The following PKD1L1 variants were observed in gnomAD, a reference collection of about 807,000 sequenced individuals.
The protein encoded by PKD1L1 is polycystin 1 like 1, transient receptor potential channel interacting.
PKD1L1 carries 236 observed loss-of-function variants against 323.4 expected under a neutral mutation model. The observed-to-expected ratio is 0.73, with a 90% CI of 0.66 to 0.81. PKD1L1 has a LOEUF of 0.81. Among genes scored for constraint, PKD1L1 ranks in the 40% least tolerant of loss-of-function variants. PKD1L1 has a pLI of 0.00. For missense variants in PKD1L1, 3,320 were observed against 3,508.0 expected (o/e 0.95, Z 1.35); for synonymous variants, 1,344 against 1,335.0 (o/e 1.01, Z -0.15).
intron 45 of PKD1L1, among the ~76,000 whole-genome samples, chr7:47,824,931 T>C (rs1785212848): frequency 6.6e-6 from 1 of 152,246 alleles, no homozygotes; most frequent in African/African-American, 2.4e-5. Context: ...CATGTTTTAC[T>C]TACTGTGTCT....
intron 53 of PKD1L1, 142 bp from the exon 54 acceptor site, chr7:47,801,021 G>A (rs113589732): frequency 1.3e-6 from 1 of 742,344 alleles, no homozygotes. Context: ...CCCTGGTTTT[G>A]AACCCAAAAG....
At chr7:47,899,426 T>A (rs1787029491) in intron 13 of PKD1L1, among the ~76,000 whole-genome samples, 1 of 151,956 alleles carries the variant, frequency 6.6e-6, no homozygotes, top group Non-Finnish European at 1.5e-5. Context: ...TGGGGGGGAA[T>A]ATTAGTGTCT....
At chr7:47,943,284 G>T in intron 2 of PKD1L1, 112 bp downstream of exon 2, 1 of 882,960 alleles carries the variant, frequency 1.1e-6, no homozygotes, top group Non-Finnish European at 1.7e-6. Context: ...CCTTCCTTCT[G>T]TTTCTTAAAA....
intron 17 of PKD1L1, 136 bp from the exon 18 acceptor site, chr7:47,886,190 T>TA: frequency 8.4e-7 from 1 of 1,187,866 alleles, no homozygotes; most frequent in Non-Finnish European, 1.1e-6. Flanking sequence ...ACTTAAGAGA[T>TA]ACAGGGCAGA....
intron 54 of PKD1L1, among the ~76,000 whole-genome samples, chr7:47,798,761 A>AAC (rs1275653571): frequency 2.6e-5 from 4 of 151,116 alleles, no homozygotes; most frequent in East Asian, 1.9e-4. Flanking sequence ...TCTCAAAAAA[A>AAC]AAAAACAAAA....
At chr7:47,878,468 G>A (rs1397531011) in intron 21 of PKD1L1, among the ~76,000 whole-genome samples, 1 of 152,188 alleles carries the variant, frequency 6.6e-6, no homozygotes, top group Non-Finnish European at 1.5e-5. Flanking sequence ...CATCGTAACA[G>A]CAGGTACCAT....
intron 45 of PKD1L1, among the ~76,000 whole-genome samples, chr7:47,826,956 CTG>C (rs761296254): frequency 1.4e-4 from 22 of 152,222 alleles, no homozygotes; most frequent in Admixed American, 6.5e-4. Context: ...TTCCACATTC[CTG>C]TGTGTCCCAG....
intron 8 of PKD1L1, 116 bp downstream of exon 8, chr7:47,915,316 T>C (rs962002756): frequency 9.3e-6 from 6 of 648,494 alleles, no homozygotes; most frequent in South Asian, 1.8e-5. Flanking sequence ...CCGTAGCCCA[T>C]AGAGTGTATA....
intron 41 of PKD1L1, 48 bp downstream of exon 41, chr7:47,833,042 G>T: frequency 6.4e-7 from 1 of 1,570,518 alleles, no homozygotes. Flanking sequence ...ATGGCTGCAG[G>T]TCTGCTGGAC....
rs1412685868 is a variant in PKD1L1 at position 47,846,936 on chromosome 7, C to A, written c.5096G>T (p.Trp1699Leu). The stretch of plus-strand genomic sequence containing the variant: ...TTGTGGAGAGAAACGTTCAGATTTC[C>A]ACTCTCTCTTGTCCCAAAACAGGCA... ...IRCLFWDKRE[W>L]KSERFSPQPG... The change falls in exon 32 of 57, where the codon TGG (tryptophan) becomes TTG (leucine). Residue 1699 changes from tryptophan to leucine, a missense_variant. Coordinates refer to ENST00000289672, the MANE Select transcript of PKD1L1 (RefSeq NM_138295.5). 2 of 1,613,786 alleles carry A rather than the reference C, an allele frequency of 1.2e-6. No individual in the cohort carries two copies. Among genetic ancestry groups the A allele is most frequent in the Admixed American group, 1.7e-5 (1 of 59,940 alleles).
chr7:47,880,284 A>ATTTTTTTTTTTTTTTTT (rs35198089), intron 21 of PKD1L1, among the ~76,000 whole-genome samples: 37 of 56,768 alleles, frequency 6.5e-4, no homozygotes, highest in Non-Finnish European at 9.1e-4. Flanking sequence ...ATATATATAT[A>ATTTTTTTTTTTTTTTTT]TTTTTTTTTT....
At chr7:47,813,446 C>T (rs771404180) in intron 48 of PKD1L1, 153 bp from the exon 49 acceptor site, 7 of 852,910 alleles carry the variant, frequency 8.2e-6, no homozygotes, top group Admixed American at 2.0e-5. Flanking sequence ...CAGCCTGTTT[C>T]GTGGTCTACA....
Position 47,843,232 on chromosome 7 carries a change from T to C in PKD1L1, c.5238-63A>G, listed in dbSNP as rs1785598800. On this transcript the variant is annotated intron_variant, in intron 33 of 56. Coordinates refer to ENST00000289672, the MANE Select transcript of PKD1L1 (RefSeq NM_138295.5). ...TGAAAATAGACATATAGGAAAAGAC[T>C]GATTGCCACCCCTAGCCCCTTACAC... 4.7e-6 allele frequency: 6 copies of C among 1,277,606 alleles called. No homozygotes were observed. In the East Asian group the frequency reaches 1.4e-4, roughly 30 times the overall value. The allele number at this position is 1,277,606 out of a possible 1,614,324, so 79.1% of individuals were successfully genotyped here.
rs368993318 is a variant in PKD1L1 at position 47,878,612 on chromosome 7, C to T, written c.3521-981G>A. Among the ~76,000 whole-genome samples, 16 of 152,286 alleles carry T rather than the reference C, an allele frequency of 1.1e-4. No homozygotes were observed. The South Asian group carries it at 3.1e-3, about 30-fold the overall frequency. The stretch of plus-strand genomic sequence containing the variant: ...ACCCAGGAGAAAAGGATGATGAATC[C>T]TGCCTGGCTGACCAGGGGAATCTCC... On this transcript the variant is annotated intron_variant, in intron 21 of 56. Coordinates refer to ENST00000289672, the MANE Select transcript of PKD1L1 (RefSeq NM_138295.5).
chr7:47,912,815 C>CAAAAAAAAAAAAAAAAA (rs59792729), intron 8 of PKD1L1, among the ~76,000 whole-genome samples: 1 of 63,636 alleles, frequency 1.6e-5, no homozygotes, highest in Admixed American at 2.1e-4. Flanking sequence ...GACTGTGTCT[C>CAAAAAAAAAAAAAAAAA]AAAAAAAAAA....
chr7:47,830,905 C>A lies in PKD1L1; in HGVS notation c.6473+312G>T, dbSNP rs568373913. On this transcript the variant is annotated intron_variant, in intron 42 of 56. Coordinates refer to ENST00000289672, the MANE Select transcript of PKD1L1 (RefSeq NM_138295.5). ...TCTAGCCAGAGTTCCTGGCTGGGAACCTGCTCCTCTCAGGAGCTCTGCAGC... is the reference window on the plus strand; with the variant it reads ...TCTAGCCAGAGTTCCTGGCTGGGAAACTGCTCCTCTCAGGAGCTCTGCAGC... Among the ~76,000 whole-genome samples, 12 of 152,286 alleles carry A rather than the reference C, an allele frequency of 7.9e-5. No individual in the cohort carries two copies. In the South Asian group the frequency reaches 2.3e-3, roughly 29 times the overall value.
rs554009778 is a variant in PKD1L1 at position 47,796,426 on chromosome 7, C to T, written c.8194-276G>A. On this transcript the variant is annotated intron_variant, in intron 54 of 56. Coordinates refer to ENST00000289672, the MANE Select transcript of PKD1L1 (RefSeq NM_138295.5). ...ACTTTGGAGACTGAGATTATCAACG[C>T]GATGTGCATGCCCATATGTAAAGTC... is the stretch of plus-strand genomic sequence containing the variant. Among the ~76,000 whole-genome samples, 6 of 152,234 alleles carry T rather than the reference C, an allele frequency of 3.9e-5. No individual in the cohort carries two copies. In the South Asian group the frequency reaches 1.2e-3, roughly 32 times the overall value.
intron 21 of PKD1L1, among the ~76,000 whole-genome samples, chr7:47,880,259 T>C (rs1281936041): frequency 4.2e-5 from 4 of 94,324 alleles, no homozygotes; most frequent in African/African-American, 2.2e-4. Context: ...TATATATATA[T>C]ATATACATAT....
chr7:47,914,379 C>T (rs1206996327), intron 8 of PKD1L1, among the ~76,000 whole-genome samples: 1 of 151,804 alleles, frequency 6.6e-6, no homozygotes, highest in Non-Finnish European at 1.5e-5. Context: ...AAGCCAAGTC[C>T]ATTGTAGAGA....
Sources: gnomAD v4.1 joint callset for allele counts (sites outside exome capture counted in the v4.1 genomes callset) on GRCh38, gnomAD v4.1.1 for gene constraint, MANE v1.5 for transcripts, NCBI Gene and HGNC (gene_info 2026-07-23, HGNC 2026-07-21) for gene names.